The following DMXL1 variants were observed in gnomAD, a reference collection of about 807,000 sequenced individuals.
DMXL1 encodes dmX-like protein 1.
Under a neutral mutation model 319.2 loss-of-function variants are expected in DMXL1, and 99 were observed. That is an observed-to-expected ratio of 0.31 (90% CI 0.26 to 0.37). DMXL1 has a LOEUF of 0.37. Among genes scored for constraint, DMXL1 ranks in the 10% least tolerant of loss-of-function variants. DMXL1 has a pLI of 1.00. For synonymous variants in DMXL1, 1,385 were observed against 1,235.2 expected (o/e 1.12, Z -2.54); for missense variants, 3,745 against 3,595.6 (o/e 1.04, Z -1.06).
intron 34 of DMXL1, among the ~76,000 whole-genome samples, chr5:119,209,960 G>A (rs1782452704): frequency 6.6e-6 from 1 of 151,988 alleles, no homozygotes; most frequent in Non-Finnish European, 1.5e-5. Context: ...TGTTTACAAG[G>A]TGTTTTCATT....
At chr5:119,130,969 A>G (rs1486869085) in intron 10 of DMXL1, among the ~76,000 whole-genome samples, 1 of 150,906 alleles carries the variant, frequency 6.6e-6, no homozygotes, top group Non-Finnish European at 1.5e-5. Context: ...TATGCTTTAC[A>G]TCCTTATCAA....
Position 119,196,473 on chromosome 5 carries a change from C to G in DMXL1, c.7543+17C>G. 14 of 1,375,432 alleles carry G rather than the reference C, an allele frequency of 1.0e-5. No homozygotes were observed. The highest frequency in any genetic ancestry group is 1.3e-5 in the Non-Finnish European group (13 of 967,200). 85.2% of individuals were successfully genotyped at this position (1,375,432 alleles called of 1,614,324 possible). On this transcript the variant is annotated intron_variant, in intron 31 of 43. Transcript: ENST00000539542. ...ATCTTGCAGGTAATAAATAGCTCAA[C>G]ATGAGCTAATGGTGCCATTGCTTTT...
intron 1 of DMXL1, among the ~76,000 whole-genome samples, chr5:119,076,984 A>T (rs1042324150): frequency 1.4e-4 from 21 of 152,346 alleles, no homozygotes; most frequent in African/African-American, 4.1e-4. Context: ...GTAATAGATT[A>T]TTCTGATTAC....
At chr5:119,100,459 A>G (rs1437141746) in intron 2 of DMXL1, 5 of 151,898 alleles carry the variant, frequency 3.3e-5, no homozygotes, top group African/African-American at 1.2e-4. Context: ...AAAAGAAGGA[A>G]ATGTCATAGG....
chr5:119,147,280 G>T lies in DMXL1; in HGVS notation c.2721G>T (p.Ala907=), dbSNP rs112673276. 6.2e-7 allele frequency: 1 copy of T among 1,613,052 alleles called. No homozygotes were observed. The highest frequency in any genetic ancestry group is 2.2e-5 in the East Asian group (1 of 44,866). The change falls in exon 17 of 44, where the codon GCG becomes GCT. Residue 907 remains alanine, a synonymous_variant. Coordinates refer to ENST00000539542, the MANE Select transcript of DMXL1 (RefSeq NM_001290321.3). ...AAGTAGATACAAAATTATCCGAAGC[G>T]GTTTGGCAGCCAGAAGAACATTATT... ...DEKVDTKLSE[A]VWQPEEHYSS... is the part of the protein sequence containing the mutation.
At chr5:119,233,515 T>A in intron 39 of DMXL1, 48 bp downstream of exon 39, 1 of 1,547,860 alleles carries the variant, frequency 6.5e-7, no homozygotes. Flanking sequence ...TGTTGGAGGT[T>A]TATAAATTCC....
intron 5 of DMXL1, among the ~76,000 whole-genome samples, chr5:119,111,524 T>C (rs1759592681): frequency 6.6e-6 from 1 of 152,246 alleles, no homozygotes; most frequent in Admixed American, 6.5e-5. Context: ...GTCATTTATG[T>C]TATATTGCTG....
At chr5:119,202,903 ATATT>A (rs1561865901) in intron 32 of DMXL1, among the ~76,000 whole-genome samples, 3 of 144,260 alleles carry the variant, frequency 2.1e-5, no homozygotes, top group African/African-American at 7.6e-5. Context: ...ATATATATAT[ATATT>A]TATATATTTT....
chr5:119,071,537 ATGCGGTGTCCGTTGCAGGAC>A lies in DMXL1; in HGVS notation c.-31_-12del. 6.3e-7 allele frequency: 1 copy of A among 1,579,986 alleles called. No individual in the cohort carries two copies. The highest frequency in any genetic ancestry group is 8.6e-7 in the Non-Finnish European group (1 of 1,161,618). ...GCCGCTGACCCGTGGCATGAGCTGG[ATGCGGTGTCCGTTGCAGGAC>A]TAGGGCGCCGACATGAACCTGCACC... On this transcript the variant is annotated 5_prime_UTR_variant, in exon 1 of 44. An upstream start codon of the reference 5' UTR is lost. Coordinates refer to ENST00000539542, the MANE Select transcript of DMXL1 (RefSeq NM_001290321.3).
intron 1 of DMXL1, among the ~76,000 whole-genome samples, chr5:119,093,650 ATTAAGT>A (rs1365878314): frequency 1.3e-5 from 2 of 152,192 alleles, no homozygotes; most frequent in East Asian, 1.9e-4. Flanking sequence ...GCTAGAAATG[ATTAAGT>A]TTAGTGAGGA....
At chr5:119,089,408 C>A (rs1754187840) in intron 1 of DMXL1, among the ~76,000 whole-genome samples, 1 of 140,068 alleles carries the variant, frequency 7.1e-6, no homozygotes, top group African/African-American at 2.7e-5. Flanking sequence ...TGGGTTCAAG[C>A]AGTTTTCATG....
At chr5:119,089,292 A>ATTTTTTTT (rs1157921856) in intron 1 of DMXL1, among the ~76,000 whole-genome samples, 2 of 39,882 alleles carry the variant, frequency 5.0e-5, no homozygotes, top group African/African-American at 8.4e-5. Flanking sequence ...ATATATATAT[A>ATTTTTTTT]TTTTTTTTTT....
At chr5:119,166,119 G>C (rs73242965) in intron 21 of DMXL1, among the ~76,000 whole-genome samples, 2 of 152,130 alleles carry the variant, frequency 1.3e-5, no homozygotes, top group African/African-American at 4.8e-5. Context: ...ATCATAAATA[G>C]TTCATCATTT....
At position 119,174,218 on chromosome 5, in the gene DMXL1, C is replaced by G. The variant is rs569043031; in HGVS notation, c.6682-1043C>G. On this transcript the variant is annotated intron_variant, in intron 25 of 43. Transcript: ENST00000539542. ...ATGTTTGGTCAAATGTCTGTGCACCCCATGGCCCAGTCACACCTAGATTTT... is the reference window on the plus strand; with the variant it reads ...ATGTTTGGTCAAATGTCTGTGCACCGCATGGCCCAGTCACACCTAGATTTT... Among the ~76,000 whole-genome samples the G allele has an allele frequency of 3.3e-5, 5 of 152,254 alleles. No homozygotes were observed. In the East Asian group the frequency reaches 9.7e-4, roughly 29 times the overall value.
intron 9 of DMXL1, among the ~76,000 whole-genome samples, chr5:119,126,235 A>T (rs1763542008): frequency 6.6e-6 from 1 of 152,182 alleles, no homozygotes; most frequent in Non-Finnish European, 1.5e-5. Context: ...GTGAGCTGAG[A>T]TTGCGCCATT....
In DMXL1 at chr5:119,129,209, A is replaced by G. The variant is rs1764270766; in HGVS notation, c.1103-2A>G. 1 of 1,589,676 alleles carries G rather than the reference A, an allele frequency of 6.3e-7. No individual in the cohort carries two copies. The highest frequency in any genetic ancestry group is 8.6e-7 in the Non-Finnish European group (1 of 1,165,232). ...TAATTTTATCTTTTTTTTCTCTTATAGACATTCCACTTCTTCCATCTATTA... is the reference window on the plus strand; with the variant it reads ...TAATTTTATCTTTTTTTTCTCTTATGGACATTCCACTTCTTCCATCTATTA... On this transcript the variant is annotated splice_acceptor_variant, in intron 9 of 43. Coordinates refer to ENST00000539542, the MANE Select transcript of DMXL1 (RefSeq NM_001290321.3). LOFTEE classifies it high-confidence loss of function.
At chr5:119,167,958 A>G (rs1054666185) in intron 23 of DMXL1, 94 bp downstream of exon 23, 4 of 1,197,710 alleles carry the variant, frequency 3.3e-6, no homozygotes, top group Admixed American at 3.4e-5. Context: ...GGTAATACAA[A>G]CAAATTGAAT....
chr5:119,141,576 C>G (rs1189095591), intron 13 of DMXL1, among the ~76,000 whole-genome samples: 1 of 152,012 alleles, frequency 6.6e-6, no homozygotes, highest in Non-Finnish European at 1.5e-5. Context: ...ATGAGAATTA[C>G]AAAACATTGC....
chr5:119,220,815 G>C (rs1175917360), intron 36 of DMXL1, 125 bp from the exon 37 acceptor site: 1 of 1,249,580 alleles, frequency 8.0e-7, no homozygotes, highest in Non-Finnish European at 1.1e-6. Context: ...TTGTGTGTGA[G>C]TTACAAATAA....
Sources: gnomAD v4.1 joint callset for allele counts (sites outside exome capture counted in the v4.1 genomes callset) on GRCh38, gnomAD v4.1.1 for gene constraint, MANE v1.5 for transcripts, NCBI Gene and HGNC (gene_info 2026-07-23, HGNC 2026-07-21) for gene names.